TASL: variants seen among roughly 807,000 people sequenced by gnomAD.
TASL encodes TLR adapter interacting with SLC15A4 on the lysosome.
TASL carries 6 observed loss-of-function variants against 12.9 expected under a neutral mutation model. That is an observed-to-expected ratio of 0.46 (90% confidence interval 0.25 to 0.92). The LOEUF is 0.92. TASL is among the 40% of genes least tolerant of loss of function. TASL has a pLI of 0.17. For synonymous variants in TASL, 85 were observed against 79.3 expected, an observed-to-expected ratio of 1.07 and a Z score of -0.38; for missense variants, 165 against 212.8, an observed-to-expected ratio of 0.78 and a Z score of 1.40.
At chrX:30,569,710 C>T (rs140564529) in intron 2 of TASL, among the ~76,000 whole-genome samples, 2 of 111,755 alleles carry the variant, frequency 1.8e-5, no homozygotes, top group East Asian at 5.6e-4. Flanking sequence ...GAACAAGTCA[C>T]ATTTTAAAAA....
chrX:30,563,787 T>C (rs996572553), intron 2 of TASL, among the ~76,000 whole-genome samples: 1 of 112,035 alleles, frequency 8.9e-6, no homozygotes, highest in Non-Finnish European at 1.9e-5. Context: ...CCAAGAATGC[T>C]AGCAAGAGGA....
intron 2 of TASL, among the ~76,000 whole-genome samples, chrX:30,566,707 C>T (rs1930503573): frequency 9.0e-6 from 1 of 111,124 alleles, no homozygotes; most frequent in Non-Finnish European, 1.9e-5. Context: ...GTGAATTGTT[C>T]AACGAAAAAT....
At chrX:30,571,309 A>AGAAG (rs1930617780) in intron 2 of TASL, among the ~76,000 whole-genome samples, 1 of 106,041 alleles carries the variant, frequency 9.4e-6, no homozygotes, top group African/African-American at 3.5e-5. Context: ...AAAGAAAGAA[A>AGAAG]GAAAGAAAGA....
At chrX:30,570,319 GAT>G (rs1313322986) in intron 2 of TASL, among the ~76,000 whole-genome samples, 3 of 110,899 alleles carry the variant, frequency 2.7e-5, no homozygotes, top group Non-Finnish European at 5.7e-5. Context: ...AGAGTTCTCT[GAT>G]CTTGTCACTA....
At chrX:30,573,402 A>G (rs1338971254) in intron 2 of TASL, among the ~76,000 whole-genome samples, 1 of 112,877 alleles carries the variant, frequency 8.9e-6, no homozygotes, top group Non-Finnish European at 1.9e-5. Context: ...GAAGTGCAGA[A>G]AGGAAGGCTC....
At chrX:30,566,818 A>G (rs1051381878) in intron 2 of TASL, among the ~76,000 whole-genome samples, 3 of 112,130 alleles carry the variant, frequency 2.7e-5, no homozygotes, top group African/African-American at 6.5e-5. Flanking sequence ...AAAATGTCCA[A>G]TATCTGTGCT....
chrX:30,563,786 C>T (rs1465866743), intron 2 of TASL, among the ~76,000 whole-genome samples: 1 of 111,866 alleles, frequency 8.9e-6, no homozygotes, highest in African/African-American at 3.3e-5. Context: ...TCCAAGAATG[C>T]TAGCAAGAGG....
At chrX:30,572,576 C>G (rs2147087481) in intron 2 of TASL, among the ~76,000 whole-genome samples, 1 of 112,088 alleles carries the variant, frequency 8.9e-6, no homozygotes, top group African/African-American at 3.2e-5. Flanking sequence ...CTTATTCCTT[C>G]TATATAACTG....
intron 2 of TASL, among the ~76,000 whole-genome samples, chrX:30,575,626 T>C (rs186773805): frequency 6.2e-5 from 7 of 112,115 alleles, no homozygotes; most frequent in African/African-American, 2.3e-4. Context: ...AACAAATTAA[T>C]TTCTGAAAGT....
At chrX:30,570,818 A>G (rs1043546784) in intron 2 of TASL, among the ~76,000 whole-genome samples, 5 of 111,600 alleles carry the variant, frequency 4.5e-5, no homozygotes, top group African/African-American at 1.6e-4. Flanking sequence ...AACACATTTA[A>G]TCTTCATAAT....
chrX:30,561,924 T>C (rs1828770075), intron 2 of TASL, among the ~76,000 whole-genome samples: 1 of 108,070 alleles, frequency 9.3e-6, no homozygotes, highest in South Asian at 4.0e-4. Flanking sequence ...TCAAACCTAA[T>C]ATGCAGGTGA....
intron 2 of TASL, among the ~76,000 whole-genome samples, chrX:30,573,086 C>A (rs1487092727): frequency 1.8e-5 from 2 of 112,064 alleles, no homozygotes; most frequent in Admixed American, 9.5e-5. Context: ...TTTTAAAAAT[C>A]TTTTAATTTT....
chrX:30,574,057 A>C (rs923249330), intron 2 of TASL, among the ~76,000 whole-genome samples: 4 of 111,542 alleles, frequency 3.6e-5, no homozygotes, highest in Non-Finnish European at 7.5e-5. Flanking sequence ...TGTCTTCCTC[A>C]TCTCATCTCT....
intron 1 of TASL, among the ~76,000 whole-genome samples, 162 bp from the exon 2 acceptor site, chrX:30,577,028 G>T (rs781011120): frequency 8.9e-6 from 1 of 112,024 alleles, no homozygotes; most frequent in Non-Finnish European, 1.9e-5. Context: ...AATACCAAAA[G>T]GGAAGCTTTC....
rs1930386198 is a variant in TASL, at chrX:30,559,563, A to G, written c.793T>C (p.Ser265Pro). ...QVSREKNLET[S>P]KARDIVFSRL... is the part of the protein sequence containing the mutation. Reference sequence around the variant, plus strand: ...CTAAAGACTATATCTCTGGCTTTTGAGGTCTCCAGATTCTTCTCTCTAGAC... The same window carrying G: ...CTAAAGACTATATCTCTGGCTTTTGGGGTCTCCAGATTCTTCTCTCTAGAC... Residue 265 changes from serine (S) to proline (P), a missense_variant, in exon 3 of 3, where the codon TCA becomes CCA. Ser to Pro is a moderately conservative substitution (Grantham distance 74). Transcript: ENST00000378962. The G allele has an allele frequency of 8.3e-7, 1 of 1,207,530 alleles. No individual in the cohort carries two copies. Among genetic ancestry groups the G allele is most frequent in the Non-Finnish European group, 1.1e-6 (1 of 893,115 alleles).
intron 2 of TASL, among the ~76,000 whole-genome samples, chrX:30,573,452 A>G (rs1159191173): frequency 1.8e-5 from 2 of 112,774 alleles, no homozygotes; most frequent in Non-Finnish European, 3.7e-5. Context: ...GGTGGCCCAG[A>G]TGACTACACA....
intron 2 of TASL, among the ~76,000 whole-genome samples, 155 bp downstream of exon 2, chrX:30,576,597 A>G (rs1325808984): frequency 8.9e-6 from 1 of 111,967 alleles, no homozygotes; most frequent in African/African-American, 3.2e-5. Flanking sequence ...TAATGAAGGC[A>G]TATTTACATT....
intron 2 of TASL, among the ~76,000 whole-genome samples, chrX:30,564,435 TCCTCTCA>T (rs1282284733): frequency 0.016 from 1,717 of 110,710 alleles, 19 homozygotes; most frequent in Non-Finnish European, 0.025. Flanking sequence ...GATCTATACC[TCCTCTCA>T]TGAATGTGAA....
In TASL at chrX:30,559,412, G is replaced by A; in HGVS notation, c.*38C>T. The A allele has an allele frequency of 9.7e-7, 1 of 1,029,196 alleles. No homozygotes were observed. Among genetic ancestry groups the A allele is most frequent in the Non-Finnish European group, 1.3e-6 (1 of 757,302 alleles). 84.8% of individuals were successfully genotyped at this position (1,029,196 alleles called of 1,213,427 possible). ...ATAAATGGATAAAGTGTTGCTTCATGTTTAAGTAAATGCGAGACAGTAATG... is the reference window on the plus strand; with the variant it reads ...ATAAATGGATAAAGTGTTGCTTCATATTTAAGTAAATGCGAGACAGTAATG... On this transcript the variant is annotated 3_prime_UTR_variant, in exon 3 of 3. Transcript: ENST00000378962.
Sources: gnomAD v4.1 joint callset for allele counts (sites outside exome capture counted in the v4.1 genomes callset) on GRCh38, gnomAD v4.1.1 for gene constraint, MANE v1.5 for transcripts, NCBI Gene and HGNC (gene_info 2026-07-23, HGNC 2026-07-21) for gene names.